The following NPAS3 variants were observed in gnomAD, a reference collection of about 807,000 sequenced individuals.
The protein encoded by NPAS3 is neuronal PAS domain protein 3.
Under a neutral mutation model 73.1 loss-of-function variants are expected in NPAS3, and 14 were observed. That is an observed-to-expected ratio of 0.19 (90% confidence interval 0.13 to 0.30). The LOEUF is 0.30. Ranked by LOEUF, NPAS3 falls within the 10% of genes least tolerant of loss-of-function variation. NPAS3 has a pLI of 1.00. For synonymous variants in NPAS3, 620 were observed against 541.5 expected, an observed-to-expected ratio of 1.14 and a Z score of -2.01; for missense variants, 1,096 against 1,250.0, an observed-to-expected ratio of 0.88 and a Z score of 1.86.
At chr14:33,112,458 T>C (rs1383477626) in intron 2 of NPAS3, among the ~76,000 whole-genome samples, 1 of 152,234 alleles carries the variant, frequency 6.6e-6, no homozygotes, top group Non-Finnish European at 1.5e-5. Flanking sequence ...GTTGGCTGCA[T>C]AGATGTCTTC....
At chr14:32,942,962 G>A (rs1372736410) in intron 1 of NPAS3, among the ~76,000 whole-genome samples, 1 of 152,190 alleles carries the variant, frequency 6.6e-6, no homozygotes, top group East Asian at 1.9e-4. Context: ...ATCCACCAGA[G>A]AGGATATTAG....
intron 3 of NPAS3, among the ~76,000 whole-genome samples, chr14:33,293,976 C>A (rs2042196585): frequency 6.6e-6 from 1 of 152,130 alleles, no homozygotes; most frequent in Non-Finnish European, 1.5e-5. Flanking sequence ...ACCTGCTGTG[C>A]AGGTGCTAAG....
intron 6 of NPAS3, among the ~76,000 whole-genome samples, chr14:33,707,052 A>T (rs1350096769): frequency 3.3e-5 from 5 of 152,228 alleles, no homozygotes; most frequent in Non-Finnish European, 7.3e-5. Context: ...TAAACAGTGT[A>T]AGCTTGGGGG....
chr14:33,620,918 G>A lies in NPAS3; in HGVS notation c.559-55293G>A, dbSNP rs551701941. On this transcript the variant is annotated intron_variant, in intron 5 of 11. Transcript: ENST00000356141. ...TGCTTCTGAGAAACCTAAAGCTAACGTGTGGTTATATGTCATCTAACTTAA... is the reference window on the plus strand; with the variant it reads ...TGCTTCTGAGAAACCTAAAGCTAACATGTGGTTATATGTCATCTAACTTAA... Among the ~76,000 whole-genome samples, 6 of 152,196 alleles carry A rather than the reference G, an allele frequency of 3.9e-5. No individual in the cohort carries two copies. In the South Asian group the frequency reaches 8.3e-4, roughly 21 times the overall value.
chr14:33,104,844 A>T (rs1399599476), intron 2 of NPAS3, among the ~76,000 whole-genome samples: 1 of 152,150 alleles, frequency 6.6e-6, no homozygotes, highest in African/African-American at 2.4e-5. Context: ...GTATGGATTT[A>T]AAAAAATATG....
chr14:33,672,482 T>C (rs2059638457), intron 5 of NPAS3, among the ~76,000 whole-genome samples: 1 of 152,146 alleles, frequency 6.6e-6, no homozygotes, highest in Non-Finnish European at 1.5e-5. Flanking sequence ...AGCAGGCACA[T>C]GTTTTGGAAG....
intron 3 of NPAS3, among the ~76,000 whole-genome samples, chr14:33,342,894 C>A (rs2044551573): frequency 6.6e-6 from 1 of 152,062 alleles, no homozygotes; most frequent in Non-Finnish European, 1.5e-5. Context: ...TTATTCACTA[C>A]CCTCTCCCAT....
chr14:33,466,297 A>G (rs2050523583), intron 4 of NPAS3, among the ~76,000 whole-genome samples: 1 of 152,236 alleles, frequency 6.6e-6, no homozygotes, highest in Admixed American at 6.5e-5. Flanking sequence ...CTATCCTAGC[A>G]AGAGCCTCAA....
intron 3 of NPAS3, among the ~76,000 whole-genome samples, chr14:33,346,589 T>A (rs1234409125): frequency 6.6e-6 from 1 of 150,466 alleles, no homozygotes; most frequent in Admixed American, 6.6e-5. Flanking sequence ...TCAAATGTGA[T>A]CTTTGCCCTC....
At chr14:33,407,921 T>C (rs1258257343) in intron 4 of NPAS3, among the ~76,000 whole-genome samples, 1 of 152,060 alleles carries the variant, frequency 6.6e-6, no homozygotes, top group Non-Finnish European at 1.5e-5. Flanking sequence ...AATAATTCTC[T>C]CACGTAGGTG....
At chr14:33,011,688 C>CT (rs2039203056) in intron 1 of NPAS3, among the ~76,000 whole-genome samples, 1 of 151,996 alleles carries the variant, frequency 6.6e-6, no homozygotes. Context: ...TTTCCATTGT[C>CT]TTTAGTCTTT....
At chr14:33,433,376 A>C (rs2139173022) in intron 4 of NPAS3, among the ~76,000 whole-genome samples, 1 of 152,342 alleles carries the variant, frequency 6.6e-6, no homozygotes, top group Admixed American at 6.5e-5. Flanking sequence ...CATAAAGCAA[A>C]CGCAGTCTTT....
At chr14:33,048,429 C>T (rs536155610) in intron 1 of NPAS3, among the ~76,000 whole-genome samples, 3 of 152,322 alleles carry the variant, frequency 2.0e-5, no homozygotes, top group Admixed American at 6.5e-5. Flanking sequence ...CCTTTCCTTT[C>T]AGTTCCCTGA....
intron 1 of NPAS3, among the ~76,000 whole-genome samples, chr14:33,008,600 GA>G (rs1336776034): frequency 6.6e-6 from 1 of 152,124 alleles, no homozygotes; most frequent in Non-Finnish European, 1.5e-5. Flanking sequence ...AGAGTATAAA[GA>G]ATGAGGACTT....
intron 1 of NPAS3, among the ~76,000 whole-genome samples, chr14:32,991,812 T>C (rs1488499609): frequency 6.6e-6 from 1 of 152,212 alleles, no homozygotes; most frequent in East Asian, 1.9e-4. Context: ...GTAATTTGAC[T>C]GTGTCTGGTG....
At chr14:33,105,751 T>C (rs749590452) in intron 2 of NPAS3, among the ~76,000 whole-genome samples, 30 of 150,228 alleles carry the variant, frequency 2.0e-4, no homozygotes, top group Non-Finnish European at 3.8e-4. Context: ...TATATCGTTA[T>C]TTAGGAAAAA....
chr14:33,491,754 T>A (rs113867845), intron 4 of NPAS3, among the ~76,000 whole-genome samples: 155 of 152,328 alleles, frequency 1.0e-3, no homozygotes, highest in African/African-American at 3.2e-3. Context: ...TAAGCATTGC[T>A]TGTGGGAGTA....
chr14:33,120,032 C>G (rs1039656276), intron 2 of NPAS3, among the ~76,000 whole-genome samples: 9 of 151,772 alleles, frequency 5.9e-5, no homozygotes, highest in African/African-American at 2.2e-4. Context: ...TGAGACAGAG[C>G]CTTGCTCTGT....
chr14:33,791,129 A>T (rs1168430809), intron 9 of NPAS3, among the ~76,000 whole-genome samples: 2 of 152,166 alleles, frequency 1.3e-5, no homozygotes, highest in Non-Finnish European at 2.9e-5. Context: ...TCTGCCTGTC[A>T]GACTGGCCCA....
Sources: allele counts gnomAD v4.1 joint callset (sites outside exome capture counted in the v4.1 genomes callset), GRCh38; gene constraint gnomAD v4.1.1; transcripts MANE v1.5; gene names NCBI Gene and HGNC (gene_info 2026-07-23, HGNC 2026-07-21).